SOX5: variants seen among roughly 807,000 people sequenced by gnomAD.
SOX5 encodes the protein SRY-box transcription factor 5, also known as transcription factor SOX-5.
Under a neutral mutation model 92.0 loss-of-function variants are expected in SOX5, and 9 were observed. The observed-to-expected ratio is 0.10, with a 90% CI of 0.06 to 0.17. The LOEUF is 0.17. SOX5 is among the 10% of genes least tolerant of loss of function. The probability of loss-of-function intolerance (pLI) is 1.00; values close to 1 mark genes in which losing one functional copy is unlikely to be tolerated. For missense variants in SOX5, 642 were observed against 944.5 expected, an observed-to-expected ratio of 0.68 and a Z score of 4.20; for synonymous variants, 344 against 336.3, an observed-to-expected ratio of 1.02 and a Z score of -0.25.
chr12:23,964,440 T>C (rs1947311542), intron 4 of SOX5, among the ~76,000 whole-genome samples: 1 of 152,156 alleles, frequency 6.6e-6, no homozygotes, highest in Non-Finnish European at 1.5e-5. Context: ...ATTTTATGCT[T>C]GTTTGAAAGA....
At chr12:23,757,709 T>A (rs114196690) in intron 3 of SOX5, among the ~76,000 whole-genome samples, 1 of 151,918 alleles carries the variant, frequency 6.6e-6, no homozygotes, top group Non-Finnish European at 1.5e-5. Flanking sequence ...TAGAAATCCA[T>A]TGTGCACTAA....
At chr12:23,763,104 A>C (rs1042084981) in intron 3 of SOX5, among the ~76,000 whole-genome samples, 1 of 152,208 alleles carries the variant, frequency 6.6e-6, no homozygotes, top group Non-Finnish European at 1.5e-5. Context: ...ATGATAATAT[A>C]ATGTCACATA....
At chr12:23,825,518 C>T (rs757320261) in intron 3 of SOX5, among the ~76,000 whole-genome samples, 6 of 152,278 alleles carry the variant, frequency 3.9e-5, no homozygotes, top group Admixed American at 1.3e-4. Context: ...AGTTCCTATT[C>T]GGCCATCTTG....
chr12:24,220,385 G>A (rs921523373), intron 3 of SOX5, among the ~76,000 whole-genome samples: 5 of 149,768 alleles, frequency 3.3e-5, no homozygotes, highest in African/African-American at 7.6e-5. Context: ...ACATTCACAC[G>A]ATATAAAAAT....
At chr12:24,458,395 C>T (rs1943252357) in intron 1 of SOX5, among the ~76,000 whole-genome samples, 1 of 152,042 alleles carries the variant, frequency 6.6e-6, no homozygotes, top group Non-Finnish European at 1.5e-5. Context: ...ATGACATTAT[C>T]ATCTATGGGC....
chr12:23,923,439 AATAG>A (rs1293247666), intron 1 of SOX5, among the ~76,000 whole-genome samples: 2 of 152,232 alleles, frequency 1.3e-5, no homozygotes, highest in African/African-American at 4.8e-5. Context: ...CAGCTAGATA[AATAG>A]ATAAACAGTT....
chr12:23,893,714 T>C (rs970044880), intron 2 of SOX5, among the ~76,000 whole-genome samples: 1 of 152,176 alleles, frequency 6.6e-6, no homozygotes, highest in African/African-American at 2.4e-5. Context: ...GATGAAAGTA[T>C]TAAAAGTGGA....
At chr12:24,474,633 T>G (rs1368490700) in intron 1 of SOX5, among the ~76,000 whole-genome samples, 1 of 151,854 alleles carries the variant, frequency 6.6e-6, no homozygotes, top group Non-Finnish European at 1.5e-5. Context: ...CCTCCCAGGT[T>G]CAAGCGATTC....
Position 24,190,852 on chromosome 12 carries a change from A to C in SOX5, c.-2+22491T>G, listed in dbSNP as rs1022855054. Among the ~76,000 whole-genome samples, 16 of 152,236 alleles carry C rather than the reference A, an allele frequency of 1.1e-4. 1 individual carries two copies. Among genetic ancestry groups the C allele is most frequent in the Admixed American group, 3.3e-4 (5 of 15,276 alleles). ...CAATGGATTATGGTATAACCTCTTT[A>C]TATGAATTACAGCAACTCCAAGGGG... is the stretch of plus-strand genomic sequence containing the variant. On this transcript the variant is annotated intron_variant, in intron 4 of 4. Transcript: ENST00000446891.
intron 1 of SOX5, among the ~76,000 whole-genome samples, chr12:24,477,237 G>A (rs1398668895): frequency 1.3e-5 from 2 of 151,574 alleles, no homozygotes; most frequent in Non-Finnish European, 2.9e-5. Flanking sequence ...GGGCTCGAGC[G>A]ATTCTCCTGC....
chr12:24,010,740 G>A (rs1298171788), intron 4 of SOX5, among the ~76,000 whole-genome samples: 1 of 152,074 alleles, frequency 6.6e-6, no homozygotes, highest in Non-Finnish European at 1.5e-5. Context: ...CTCATGACCA[G>A]CTTGGCCAAC....
chr12:23,859,230 T>C (rs1484513556), intron 2 of SOX5, among the ~76,000 whole-genome samples: 1 of 152,166 alleles, frequency 6.6e-6, no homozygotes, highest in African/African-American at 2.4e-5. Context: ...AGAGAGCCTA[T>C]AGATGGACAT....
intron 2 of SOX5, among the ~76,000 whole-genome samples, chr12:24,365,340 GT>G (rs1390468921): frequency 6.6e-6 from 1 of 152,070 alleles, no homozygotes; most frequent in East Asian, 1.9e-4. Context: ...AGGAATCTAT[GT>G]AACAATAAAG....
chr12:24,506,696 AAAATTTAGACAGAT>A (rs989518069), intron 1 of SOX5, among the ~76,000 whole-genome samples: 1 of 152,018 alleles, frequency 6.6e-6, no homozygotes. Context: ...AGAATCTATT[AAAATTTAGACAGAT>A]AATCAAAAAG....
chr12:24,432,075 G>T (rs1938453229), intron 1 of SOX5, among the ~76,000 whole-genome samples: 1 of 152,124 alleles, frequency 6.6e-6, no homozygotes, highest in African/African-American at 2.4e-5. Flanking sequence ...GAATCCCAAA[G>T]ATTGGCAGAC....
chr12:24,334,424 A>G (rs1476975955), intron 2 of SOX5, among the ~76,000 whole-genome samples: 1 of 152,184 alleles, frequency 6.6e-6, no homozygotes, highest in Non-Finnish European at 1.5e-5. Flanking sequence ...CAGACTAGGA[A>G]ATACAAATGA....
chr12:23,880,188 A>G (rs2096972330), intron 2 of SOX5, among the ~76,000 whole-genome samples: 1 of 152,196 alleles, frequency 6.6e-6, no homozygotes, highest in Non-Finnish European at 1.5e-5. Flanking sequence ...CATATATCAC[A>G]CAGTTTCAGG....
chr12:23,810,199 T>C (rs911420532), intron 3 of SOX5, among the ~76,000 whole-genome samples: 1 of 152,178 alleles, frequency 6.6e-6, no homozygotes, highest in Non-Finnish European at 1.5e-5. Context: ...TTATTGTTCA[T>C]TGAATTAAGT....
chr12:23,840,569 C>A (rs953322707), intron 3 of SOX5, among the ~76,000 whole-genome samples: 1 of 152,042 alleles, frequency 6.6e-6, no homozygotes, highest in East Asian at 1.9e-4. Flanking sequence ...TGACACTACC[C>A]AACTTCAAGA....
Sources: allele counts gnomAD v4.1 joint callset (sites outside exome capture counted in the v4.1 genomes callset), GRCh38; gene constraint gnomAD v4.1.1; transcripts MANE v1.5; gene names NCBI Gene and HGNC (gene_info 2026-07-23, HGNC 2026-07-21).